Variants in CADPS observed in about 807,000 individuals in gnomAD.
The protein encoded by CADPS is calcium-dependent secretion activator 1.
A neutral mutation model predicts 167.3 loss-of-function variants in CADPS; 57 were observed. The observed-to-expected ratio is 0.34, with a 90% CI of 0.28 to 0.42. The LOEUF (loss-of-function observed/expected upper bound fraction) is 0.42, where lower values mean the gene tolerates loss of function less well. Ranked by LOEUF, CADPS falls within the 20% of genes least tolerant of loss-of-function variation. The probability of loss-of-function intolerance (pLI) is 1.00; values close to 1 mark genes in which losing one functional copy is unlikely to be tolerated. For missense variants in CADPS, 1,414 were observed against 1,738.1 expected (o/e 0.81, Z 3.32); for synonymous variants, 676 against 635.3 (o/e 1.06, Z -0.96).
intron 3 of CADPS, among the ~76,000 whole-genome samples, chr3:62,721,134 TAAAAA>T (rs71631127): frequency 0.17 from 18,953 of 114,224 alleles, 1,510 homozygotes; most frequent in Non-Finnish European, 0.2. Flanking sequence ...TTTTTTTTTT[TAAAAA>T]AAAAAAGAAG....
chr3:62,788,323 T>C (rs2092643119), intron 1 of CADPS, among the ~76,000 whole-genome samples: 1 of 152,072 alleles, frequency 6.6e-6, no homozygotes, highest in Admixed American at 6.6e-5. Flanking sequence ...TCCTCTAGAG[T>C]TCTGCTTGTG....
chr3:62,836,689 T>C (rs989603271), intron 1 of CADPS, among the ~76,000 whole-genome samples: 2 of 152,136 alleles, frequency 1.3e-5, no homozygotes, highest in African/African-American at 4.8e-5. Context: ...AGGTTATTTT[T>C]AAAGTACACT....
intron 26 of CADPS, 130 bp from the exon 27 acceptor site, chr3:62,445,927 G>A: frequency 1.8e-6 from 1 of 543,128 alleles, no homozygotes; most frequent in Non-Finnish European, 3.0e-6. Flanking sequence ...AAACAGAAAG[G>A]TACTAGAAAA....
chr3:62,858,787 T>A (rs1231529954), intron 1 of CADPS, among the ~76,000 whole-genome samples: 2 of 152,168 alleles, frequency 1.3e-5, no homozygotes, highest in Non-Finnish European at 2.9e-5. Context: ...TAAATTCTCA[T>A]CCAACGTAAA....
At chr3:62,496,063 C>T (rs1192798868) in intron 18 of CADPS, among the ~76,000 whole-genome samples, 2 of 145,716 alleles carry the variant, frequency 1.4e-5, no homozygotes, top group Non-Finnish European at 1.5e-5. Context: ...TTTTGTTTTT[C>T]TTTTCTTTTC....
At chr3:62,554,530 G>A (rs796569086) in intron 10 of CADPS, among the ~76,000 whole-genome samples, 6 of 152,246 alleles carry the variant, frequency 3.9e-5, no homozygotes, top group African/African-American at 1.2e-4. Flanking sequence ...AGAGTCTGAA[G>A]TCCTCCCCAT....
At chr3:62,493,122 G>T (rs1053057854) in intron 19 of CADPS, among the ~76,000 whole-genome samples, 2 of 152,162 alleles carry the variant, frequency 1.3e-5, no homozygotes, top group African/African-American at 4.8e-5. Flanking sequence ...TTTTCTGGGG[G>T]TTGGACACAT....
intron 1 of CADPS, among the ~76,000 whole-genome samples, chr3:62,823,043 C>A (rs896668086): frequency 2.6e-5 from 4 of 152,240 alleles, no homozygotes; most frequent in Admixed American, 6.5e-5. Context: ...TCTGCCACCA[C>A]ATGAGAAATG....
intron 1 of CADPS, among the ~76,000 whole-genome samples, chr3:62,781,390 C>T (rs2091572416): frequency 6.6e-6 from 1 of 152,160 alleles, no homozygotes; most frequent in African/African-American, 2.4e-5. Context: ...AAAGTCACTC[C>T]TCCTTTCAAA....
chr3:62,400,450 A>G (rs879620656), intron 29 of CADPS, among the ~76,000 whole-genome samples: 3 of 151,870 alleles, frequency 2.0e-5, no homozygotes, highest in Non-Finnish European at 2.9e-5. Context: ...AAGGTCTCTA[A>G]CTACAACTCT....
intron 1 of CADPS, among the ~76,000 whole-genome samples, chr3:62,799,751 T>C (rs1461443057): frequency 6.6e-6 from 1 of 152,148 alleles, no homozygotes; most frequent in Non-Finnish European, 1.5e-5. Context: ...AAGGGCTTGA[T>C]TATGCCTGGG....
rs1324820558 is a variant in CADPS at position 62,822,640 on chromosome 3, G to A, written c.441+51949C>T. Among the ~76,000 whole-genome samples, 8 of 152,064 alleles carry A rather than the reference G, an allele frequency of 5.3e-5. No homozygotes were observed. The East Asian group carries it at 7.7e-4, about 15-fold the overall frequency. On this transcript the variant is annotated intron_variant, in intron 1 of 29. Coordinates refer to ENST00000383710, the MANE Select transcript of CADPS (RefSeq NM_003716.4). ...GTGGATCACTTGAGGTCAGGAGTTC[G>A]AGACCAGCCTGGCCTACACGGTGAA...
chr3:62,824,465 A>T (rs2073664647), intron 1 of CADPS, among the ~76,000 whole-genome samples: 1 of 152,196 alleles, frequency 6.6e-6, no homozygotes, highest in South Asian at 2.1e-4. Context: ...GAATGTAAGG[A>T]GACTGCAGGG....
chr3:62,664,393 A>G (rs544385765), intron 3 of CADPS, among the ~76,000 whole-genome samples: 1 of 152,358 alleles, frequency 6.6e-6, no homozygotes, highest in East Asian at 1.9e-4. Flanking sequence ...TCTTCTAAAC[A>G]AACGTAAAGC....
At chr3:62,582,805 T>C (rs549560527) in intron 8 of CADPS, among the ~76,000 whole-genome samples, 1 of 152,320 alleles carries the variant, frequency 6.6e-6, no homozygotes, top group South Asian at 2.1e-4. Flanking sequence ...ATTTCTTCTG[T>C]CATCTGTAGG....
chr3:62,595,177 G>A (rs1278748343), intron 6 of CADPS, among the ~76,000 whole-genome samples: 4 of 152,026 alleles, frequency 2.6e-5, no homozygotes, highest in Admixed American at 1.3e-4. Context: ...CCAGATCCAT[G>A]GGGATCTCAG....
intron 1 of CADPS, among the ~76,000 whole-genome samples, chr3:62,777,323 T>G (rs1438547636): frequency 6.6e-6 from 1 of 152,162 alleles, no homozygotes; most frequent in Non-Finnish European, 1.5e-5. Context: ...AAGAACATTA[T>G]CCTGTCAGCA....
At chr3:62,519,688 T>G (rs2151744029) in intron 13 of CADPS, among the ~76,000 whole-genome samples, 1 of 152,310 alleles carries the variant, frequency 6.6e-6, no homozygotes, top group South Asian at 2.1e-4. Flanking sequence ...AGTGTGATCA[T>G]AGCTCACTGT....
At position 62,557,628 on chromosome 3, in the gene CADPS, G is replaced by A. The variant is rs1577751869; in HGVS notation, c.1645-115C>T. On this transcript the variant is annotated intron_variant, in intron 9 of 29. Transcript: ENST00000383710. The stretch of plus-strand genomic sequence containing the variant: ...GACTGAGTGGCTGGGTTCAAACTGA[G>A]TTTTGCTACCTCCTGGCTGTGTGAC... 1.9e-5 allele frequency: 15 copies of A among 785,196 alleles called. No homozygotes were observed. In the East Asian group the frequency reaches 3.7e-4, roughly 19 times the overall value. The allele number at this position is 785,196 out of a possible 1,614,324, so 48.6% of individuals were successfully genotyped here. A position where few individuals can be genotyped will look rare whatever the true frequency, so the allele number is the denominator to read the frequency against.
Sources: gnomAD v4.1 joint callset for allele counts (sites outside exome capture counted in the v4.1 genomes callset) on GRCh38, gnomAD v4.1.1 for gene constraint, MANE v1.5 for transcripts, NCBI Gene and HGNC (gene_info 2026-07-23, HGNC 2026-07-21) for gene names.